DLGAP2: variants seen among roughly 807,000 people sequenced by gnomAD.
The protein encoded by DLGAP2 is disks large-associated protein 2.
In DLGAP2, 26 loss-of-function variants were observed where a neutral mutation model predicts 100.3. That is an observed-to-expected ratio of 0.26 (90% CI 0.19 to 0.36). DLGAP2 has a LOEUF of 0.36. Among genes scored for constraint, DLGAP2 ranks in the 10% least tolerant of loss-of-function variants. DLGAP2 has a pLI of 1.00. For missense variants in DLGAP2, 1,858 were observed against 1,453.2 expected, an observed-to-expected ratio of 1.28 and a Z score of -4.53; for synonymous variants, 886 against 630.1, an observed-to-expected ratio of 1.41 and a Z score of -6.08.
intron 2 of DLGAP2, among the ~76,000 whole-genome samples, chr8:1,047,217 C>T (rs1180136237): frequency 6.6e-6 from 1 of 152,196 alleles, no homozygotes; most frequent in Non-Finnish European, 1.5e-5. Context: ...TTCAGCATTT[C>T]ATATGAAAGG....
intron 3 of DLGAP2, among the ~76,000 whole-genome samples, chr8:1,367,131 A>G (rs1468712273): frequency 6.6e-6 from 1 of 152,248 alleles, no homozygotes; most frequent in Non-Finnish European, 1.5e-5. Flanking sequence ...CCCGGTGACT[A>G]TATGACTTAT....
chr8:1,420,504 A>G (rs573276120), intron 3 of DLGAP2, among the ~76,000 whole-genome samples: 2 of 152,306 alleles, frequency 1.3e-5, no homozygotes, highest in South Asian at 4.1e-4. Context: ...TTCCTAAACT[A>G]CAACTCTATG....
intron 3 of DLGAP2, among the ~76,000 whole-genome samples, chr8:1,361,190 C>T (rs7829338): frequency 0.023 from 3,519 of 152,206 alleles, 121 homozygotes; most frequent in African/African-American, 0.081. Context: ...GGGGTCGAAC[C>T]ACCAACTGCA....
intron 4 of DLGAP2, among the ~76,000 whole-genome samples, chr8:1,542,990 T>A (rs1355709268): frequency 6.6e-6 from 1 of 152,234 alleles, no homozygotes; most frequent in Admixed American, 6.5e-5. Flanking sequence ...CTGTGTGCTC[T>A]TTCGCCGTTA....
chr8:1,543,871 A>G (rs1801445072), intron 4 of DLGAP2, among the ~76,000 whole-genome samples: 1 of 151,756 alleles, frequency 6.6e-6, no homozygotes, highest in Admixed American at 6.6e-5. Flanking sequence ...GATGTTTTCT[A>G]GTTTTCAGTG....
At chr8:871,256 G>A (rs1318501548) in intron 1 of DLGAP2, among the ~76,000 whole-genome samples, 1 of 152,206 alleles carries the variant, frequency 6.6e-6, no homozygotes, top group Non-Finnish European at 1.5e-5. Flanking sequence ...GCCATCCAGT[G>A]TCCACACCTG....
At chr8:1,666,133 G>A (rs1323769438) in intron 8 of DLGAP2, among the ~76,000 whole-genome samples, 3 of 152,214 alleles carry the variant, frequency 2.0e-5, no homozygotes, top group Admixed American at 6.5e-5. Context: ...TTGGGATGGA[G>A]AAGTCTTGGG....
intron 2 of DLGAP2, among the ~76,000 whole-genome samples, chr8:976,640 A>G (rs1438070913): frequency 6.6e-6 from 1 of 152,172 alleles, no homozygotes; most frequent in Non-Finnish European, 1.5e-5. Flanking sequence ...AAATAGACTC[A>G]GTGCAAATAG....
intron 2 of DLGAP2, among the ~76,000 whole-genome samples, chr8:1,122,521 C>A (rs1563203274): frequency 6.6e-6 from 1 of 152,124 alleles, no homozygotes; most frequent in Admixed American, 6.5e-5. Flanking sequence ...TAAGAAAATC[C>A]TTTTTCTTTT....
At chr8:981,980 G>A (rs1800344197) in intron 2 of DLGAP2, among the ~76,000 whole-genome samples, 2 of 152,296 alleles carry the variant, frequency 1.3e-5, no homozygotes, top group Non-Finnish European at 2.9e-5. Context: ...CCACATCCCT[G>A]GCCTTGGAAG....
chr8:1,668,661 T>A lies in DLGAP2; in HGVS notation c.2143T>A (p.Ser715Thr), dbSNP rs1585047609. Residue 715 changes from serine to threonine, a missense_variant, in exon 9 of 15, where the codon TCC becomes ACC. Ser to Thr is a moderately conservative substitution (Grantham distance 58). Transcript: ENST00000637795. ...GGAGGAGCTCCTCAAGAGCCGCTGC[T>A]CCTCCATCGGGATTCAGGTAGCTGC... ...KAEELLKSRC[S>T]SIGIQDSEFP... 6.4e-7 allele frequency: 1 copy of A among 1,562,998 alleles called. No homozygotes were observed. Among genetic ancestry groups the A allele is most frequent in the South Asian group, 1.2e-5 (1 of 84,198 alleles).
At chr8:1,440,283 C>G (rs1338419768) in intron 3 of DLGAP2, among the ~76,000 whole-genome samples, 1 of 152,174 alleles carries the variant, frequency 6.6e-6, no homozygotes, top group East Asian at 1.9e-4. Context: ...CTTTTAAATT[C>G]AGGGTGTTAC....
intron 4 of DLGAP2, among the ~76,000 whole-genome samples, chr8:1,537,290 C>A (rs1263859232): frequency 6.6e-6 from 1 of 152,130 alleles, no homozygotes; most frequent in African/African-American, 2.4e-5. Flanking sequence ...TGTGGTTACA[C>A]ATGTGCACAT....
intron 2 of DLGAP2, among the ~76,000 whole-genome samples, chr8:917,721 C>T (rs1013175582): frequency 3.1e-4 from 47 of 152,154 alleles, no homozygotes; most frequent in African/African-American, 1.1e-3. Flanking sequence ...GCTGGGATTA[C>T]AGGGGTGTGC....
At chr8:1,430,110 G>GC (rs1193442044) in intron 3 of DLGAP2, among the ~76,000 whole-genome samples, 1 of 146,498 alleles carries the variant, frequency 6.8e-6, no homozygotes, top group Non-Finnish European at 1.5e-5. Context: ...CACTGCCGCA[G>GC]CATTTTGCCT....
chr8:780,288 C>T, intron 1 of DLGAP2, among the ~76,000 whole-genome samples: 1 of 152,204 alleles, frequency 6.6e-6, no homozygotes, highest in East Asian at 1.9e-4. Context: ...ATAATGTCTT[C>T]CAGGCTCATT....
chr8:1,605,999 G>A (rs770502648), intron 6 of DLGAP2, among the ~76,000 whole-genome samples: 19 of 152,136 alleles, frequency 1.2e-4, no homozygotes, highest in Non-Finnish European at 2.2e-4. Context: ...AATACCTTCC[G>A]CAGAGAATCA....
intron 6 of DLGAP2, among the ~76,000 whole-genome samples, chr8:1,581,893 G>A (rs1320765672): frequency 6.7e-6 from 1 of 149,146 alleles, no homozygotes; most frequent in Admixed American, 6.7e-5. Flanking sequence ...ACTACCAGAA[G>A]TGAAGGATAC....
At chr8:760,171 A>G (rs772134853) in intron 1 of DLGAP2, among the ~76,000 whole-genome samples, 2 of 151,908 alleles carry the variant, frequency 1.3e-5, no homozygotes, top group South Asian at 2.1e-4. Context: ...TTGCATTTCC[A>G]TCTTTATTCC....
Sources: gnomAD v4.1 joint callset for allele counts (sites outside exome capture counted in the v4.1 genomes callset) on GRCh38, gnomAD v4.1.1 for gene constraint, MANE v1.5 for transcripts, NCBI Gene and HGNC (gene_info 2026-07-23, HGNC 2026-07-21) for gene names.